MLLT3: variants seen among roughly 807,000 people sequenced by gnomAD.
MLLT3 encodes the protein protein AF-9.
Under a neutral mutation model 53.2 loss-of-function variants are expected in MLLT3, and 4 were observed. That is an observed-to-expected ratio of 0.08 (90% CI 0.04 to 0.17). The LOEUF is 0.17. Ranked by LOEUF, MLLT3 falls within the 10% of genes least tolerant of loss-of-function variation. The pLI is 1.00. For synonymous variants in MLLT3, 283 were observed against 230.6 expected (o/e 1.23, Z -2.06); for missense variants, 569 against 684.0 (o/e 0.83, Z 1.87).
rs1414202107 is a variant in MLLT3 at position 20,621,482 on chromosome 9, A to G, written c.13-648T>C. ...CACACGCCCGCAGGAAAACACGCCG[A>G]GGCATCCATAACTTAGAGCACCCCG... On this transcript the variant is annotated intron_variant, in intron 1 of 10. Coordinates refer to ENST00000380338, the MANE Select transcript of MLLT3 (RefSeq NM_004529.4). The surrounding 1 kb of genome is among the most constrained non-coding windows in gnomAD (Gnocchi z 7.0). 1.3e-5 allele frequency among the ~76,000 whole-genome samples: 2 copies of G among 152,126 alleles called. No homozygotes were observed. Among genetic ancestry groups the G allele is most frequent in the East Asian group, 1.9e-4 (1 of 5,188 alleles).
chr9:20,415,114 C>A (rs1247655159), intron 4 of MLLT3, among the ~76,000 whole-genome samples: 1 of 151,966 alleles, frequency 6.6e-6, no homozygotes, highest in Non-Finnish European at 1.5e-5. Context: ...AATCATAAAA[C>A]CCCCCCAAAA....
At chr9:20,408,639 C>T (rs555421769) in intron 5 of MLLT3, among the ~76,000 whole-genome samples, 7 of 152,290 alleles carry the variant, frequency 4.6e-5, no homozygotes, top group African/African-American at 1.7e-4. Flanking sequence ...TGCTCCCTCA[C>T]CATACTTACA....
chr9:20,401,636 G>C (rs1047724367), intron 5 of MLLT3, among the ~76,000 whole-genome samples: 119 of 152,254 alleles, frequency 7.8e-4, no homozygotes, highest in African/African-American at 2.8e-3. Context: ...AAGCAGAAGA[G>C]GGAAAGACAA....
At chr9:20,576,913 T>A (rs1419213615) in intron 2 of MLLT3, among the ~76,000 whole-genome samples, 2 of 152,116 alleles carry the variant, frequency 1.3e-5, no homozygotes, top group African/African-American at 4.8e-5. Context: ...AGCTAAGTCA[T>A]GAGAATCACC....
chr9:20,386,796 G>C (rs527376044), intron 5 of MLLT3, among the ~76,000 whole-genome samples: 3 of 152,134 alleles, frequency 2.0e-5, no homozygotes, highest in African/African-American at 7.2e-5. Context: ...CTATTTTCTG[G>C]ATATATATAT....
intron 4 of MLLT3, 106 bp from the exon 5 acceptor site, chr9:20,414,531 A>T (rs1822825399): frequency 6.6e-7 from 1 of 1,511,144 alleles, no homozygotes; most frequent in Admixed American, 2.0e-5. Context: ...TCAAGCTATC[A>T]TTAAAATACC....
chr9:20,371,320 A>G (rs1587166824), intron 5 of MLLT3, among the ~76,000 whole-genome samples: 1 of 152,238 alleles, frequency 6.6e-6, no homozygotes, highest in Non-Finnish European at 1.5e-5. Flanking sequence ...CAAATTTTCT[A>G]TGTAGACGAA....
At chr9:20,608,769 C>T (rs1189338218) in intron 2 of MLLT3, among the ~76,000 whole-genome samples, 1 of 151,966 alleles carries the variant, frequency 6.6e-6, no homozygotes, top group Non-Finnish European at 1.5e-5. Context: ...CCCATACATA[C>T]ATTTAAATAC....
At chr9:20,610,241 G>A (rs1039356784) in intron 2 of MLLT3, among the ~76,000 whole-genome samples, 2 of 152,066 alleles carry the variant, frequency 1.3e-5, no homozygotes, top group African/African-American at 4.8e-5. Flanking sequence ...TCATGGATTA[G>A]GTAGTAAAAA....
intron 10 of MLLT3, among the ~76,000 whole-genome samples, chr9:20,348,293 A>G (rs1250003389): frequency 6.6e-6 from 1 of 152,146 alleles, no homozygotes; most frequent in Non-Finnish European, 1.5e-5. Flanking sequence ...TTGCCTCCCC[A>G]GACCTACTTG....
In MLLT3 at chr9:20,344,033, G is replaced by A. The variant is rs561927608; in HGVS notation, c.*2410C>T. 9.9e-6 allele frequency: 2 copies of A among 202,090 alleles called. No homozygotes were observed. Among genetic ancestry groups the A allele is most frequent in the Admixed American group, 1.2e-4 (2 of 16,660 alleles). 12.5% of individuals were successfully genotyped at this position (202,090 alleles called of 1,614,324 possible). A position where few individuals can be genotyped will look rare whatever the true frequency, so the allele number is the denominator to read the frequency against. Reference sequence around the variant, plus strand: ...ACTTACTTTGCTATCTTGATGAGTAGAAGATGGATAAGTTTTTCTGAACTT... The same window carrying A: ...ACTTACTTTGCTATCTTGATGAGTAAAAGATGGATAAGTTTTTCTGAACTT... On this transcript the variant is annotated 3_prime_UTR_variant, in exon 11 of 11. Transcript: ENST00000380338.
Position 20,441,493 on chromosome 9 carries a change from T to C in MLLT3, c.420+6630A>G, listed in dbSNP as rs1252246058. Among the ~76,000 whole-genome samples the C allele has an allele frequency of 4.6e-5, 7 of 152,230 alleles. No individual in the cohort carries two copies. The East Asian group carries it at 1.2e-3, about 25-fold the overall frequency. On this transcript the variant is annotated intron_variant, in intron 4 of 10. Transcript: ENST00000380338. Reference sequence around the variant, plus strand: ...CTTTCATAACTTAATTTTCCAGAGTTTGTGGGGGGAGGTGGCCGACAAGGT... The same window carrying C: ...CTTTCATAACTTAATTTTCCAGAGTCTGTGGGGGGAGGTGGCCGACAAGGT...
intron 4 of MLLT3, among the ~76,000 whole-genome samples, chr9:20,419,084 A>G (rs1822945431): frequency 1.3e-5 from 2 of 152,230 alleles, no homozygotes; most frequent in African/African-American, 4.8e-5. Context: ...AATAGGAGGA[A>G]GCAGATCTAA....
intron 2 of MLLT3, among the ~76,000 whole-genome samples, chr9:20,526,821 T>A (rs74711735): frequency 1.3e-5 from 2 of 152,186 alleles, no homozygotes; most frequent in African/African-American, 4.8e-5. Flanking sequence ...CTTCATTGTC[T>A]TTAGCAATTC....
At chr9:20,499,447 C>G (rs1246622782) in intron 2 of MLLT3, among the ~76,000 whole-genome samples, 3 of 152,162 alleles carry the variant, frequency 2.0e-5, no homozygotes, top group Admixed American at 6.5e-5. Context: ...ATCTTCCTCT[C>G]AATTTTGCTG....
chr9:20,422,628 T>C (rs1227287370), intron 4 of MLLT3, among the ~76,000 whole-genome samples: 1 of 152,134 alleles, frequency 6.6e-6, no homozygotes, highest in Admixed American at 6.6e-5. Flanking sequence ...TTCGAGAGAA[T>C]AATGAAAGAT....
intron 2 of MLLT3, among the ~76,000 whole-genome samples, chr9:20,618,132 G>T (rs561465394): frequency 2.0e-5 from 3 of 152,248 alleles, no homozygotes. Context: ...TATAGAATAT[G>T]AGCATTTCTT....
chr9:20,583,784 C>G (rs1375046040), intron 2 of MLLT3, among the ~76,000 whole-genome samples: 1 of 152,154 alleles, frequency 6.6e-6, no homozygotes, highest in African/African-American at 2.4e-5. Context: ...CTGGGCCCAG[C>G]CCACAAAACC....
chr9:20,393,094 G>A (rs1822228909), intron 5 of MLLT3, among the ~76,000 whole-genome samples: 1 of 152,110 alleles, frequency 6.6e-6, no homozygotes, highest in African/African-American at 2.4e-5. Flanking sequence ...GGCTGAGATT[G>A]CAGTGAGCTG....
Sources: gnomAD v4.1 joint callset for allele counts (sites outside exome capture counted in the v4.1 genomes callset) on GRCh38, gnomAD v4.1.1 for gene constraint, Gnocchi (gnomAD v3.1) non-coding constraint, MANE v1.5 for transcripts, NCBI Gene and HGNC (gene_info 2026-07-23, HGNC 2026-07-21) for gene names.